WDR7: variants seen among roughly 807,000 people sequenced by gnomAD.
WDR7 encodes WD repeat domain 7.
Under a neutral mutation model 169.4 loss-of-function variants are expected in WDR7, and 46 were observed. That is an observed-to-expected ratio of 0.27 (90% CI 0.21 to 0.35). The LOEUF (loss-of-function observed/expected upper bound fraction) is 0.35, where lower values mean the gene tolerates loss of function less well. Among genes scored for constraint, WDR7 ranks in the 10% least tolerant of loss-of-function variants. The pLI is 1.00. For synonymous variants in WDR7, 612 were observed against 666.8 expected (o/e 0.92, Z 1.27); for missense variants, 1,534 against 1,859.3 (o/e 0.83, Z 3.22).
chr18:56,854,003 G>A (rs2045679554), intron 20 of WDR7, among the ~76,000 whole-genome samples: 1 of 152,144 alleles, frequency 6.6e-6, no homozygotes, highest in African/African-American at 2.4e-5. Flanking sequence ...ATGAACATCT[G>A]ATTCATGTCT....
At chr18:56,828,123 A>T (rs2045242367) in intron 20 of WDR7, among the ~76,000 whole-genome samples, 1 of 152,374 alleles carries the variant, frequency 6.6e-6, no homozygotes, top group Admixed American at 6.5e-5. Flanking sequence ...CTTTACAAGG[A>T]TATAAACTTG....
chr18:57,016,839 ATTGT>A (rs1197914712), intron 26 of WDR7, among the ~76,000 whole-genome samples: 6 of 152,246 alleles, frequency 3.9e-5, no homozygotes, highest in South Asian at 2.1e-4. Flanking sequence ...ATTTTTTTTA[ATTGT>A]TTGTAGCACT....
chr18:56,809,079 C>T (rs1383824654), intron 19 of WDR7, among the ~76,000 whole-genome samples: 2 of 152,212 alleles, frequency 1.3e-5, no homozygotes, highest in East Asian at 1.9e-4. Flanking sequence ...TCCATTCCCC[C>T]TCTGCCCCCA....
At chr18:56,929,141 C>A (rs2046846664) in intron 22 of WDR7, among the ~76,000 whole-genome samples, 1 of 151,782 alleles carries the variant, frequency 6.6e-6, no homozygotes, top group Non-Finnish European at 1.5e-5. Flanking sequence ...ATTAAAAAAA[C>A]TACAGGAGCA....
chr18:56,733,150 A>G (rs1424200618), intron 14 of WDR7, among the ~76,000 whole-genome samples: 10 of 152,198 alleles, frequency 6.6e-5, no homozygotes, highest in Non-Finnish European at 1.5e-5. Context: ...TATGTATTGT[A>G]AAATATATTG....
At chr18:56,900,070 G>A (rs978628211) in intron 21 of WDR7, among the ~76,000 whole-genome samples, 7 of 44,868 alleles carry the variant, frequency 1.6e-4, no homozygotes, top group African/African-American at 4.6e-4. Context: ...ATATATGTGT[G>A]TGTGTGTGTG....
rs558932184 is a variant in WDR7, at chr18:56,776,366, CAG to C, written c.2849-412_2849-411del. Among the ~76,000 whole-genome samples the C allele has an allele frequency of 1.5e-3, 233 of 152,140 alleles. 1 individual carries two copies. Among genetic ancestry groups the C allele is most frequent in the African/African-American group, 5.3e-3 (221 of 41,524 alleles). ...TTTAAAAATAATTTACACATAATGT[CAG>C]AGAATAAACTGTTAGGAAAATGTAA... On this transcript the variant is annotated intron_variant, in intron 16 of 27. Coordinates refer to ENST00000254442, the MANE Select transcript of WDR7 (RefSeq NM_015285.3).
At chr18:56,979,130 A>G (rs1250541689) in intron 26 of WDR7, among the ~76,000 whole-genome samples, 2 of 152,144 alleles carry the variant, frequency 1.3e-5, no homozygotes, top group African/African-American at 2.4e-5. Context: ...GCCGCAAACA[A>G]TGATTTTTGC....
At chr18:56,971,716 G>A (rs1275614357) in intron 26 of WDR7, among the ~76,000 whole-genome samples, 1 of 152,042 alleles carries the variant, frequency 6.6e-6, no homozygotes, top group Non-Finnish European at 1.5e-5. Context: ...GAAGGGCAAG[G>A]GACATTATTC....
In WDR7 at chr18:56,809,433, A is replaced by C. The variant is rs566040769; in HGVS notation, c.3191-6598A>C. Among the ~76,000 whole-genome samples the C allele has an allele frequency of 4.7e-4, 71 of 152,292 alleles. No homozygotes were observed. The Middle Eastern group carries it at 0.01, about 22-fold the overall frequency. ...ATATTTTGGAAATACTCAGAAAGTAAGTAAACCGTAGCTTGTGTGGTATAA... is the reference window on the plus strand; with the variant it reads ...ATATTTTGGAAATACTCAGAAAGTACGTAAACCGTAGCTTGTGTGGTATAA... On this transcript the variant is annotated intron_variant, in intron 19 of 27. Transcript: ENST00000254442.
chr18:57,011,551 T>C (rs534269066), intron 26 of WDR7, among the ~76,000 whole-genome samples: 89 of 152,362 alleles, frequency 5.8e-4, no homozygotes, highest in African/African-American at 2.1e-3. Flanking sequence ...AAATAATTCA[T>C]TGAATAGTTT....
intron 16 of WDR7, among the ~76,000 whole-genome samples, chr18:56,767,877 G>A (rs1223355965): frequency 6.6e-6 from 1 of 152,066 alleles, no homozygotes; most frequent in Non-Finnish European, 1.5e-5. Context: ...TTCTGCAACA[G>A]TATATGTTTT....
At chr18:56,805,923 C>T (rs911302258) in intron 19 of WDR7, among the ~76,000 whole-genome samples, 2 of 152,164 alleles carry the variant, frequency 1.3e-5, no homozygotes, top group African/African-American at 4.8e-5. Context: ...ACTGTTTATG[C>T]TCCTGCTACC....
chr18:56,936,051 G>C (rs1189656352), intron 23 of WDR7, 146 bp downstream of exon 23: 22 of 701,356 alleles, frequency 3.1e-5, no homozygotes, highest in Middle Eastern at 4.0e-4. Flanking sequence ...ATGAACACAT[G>C]TGTCTGTGTG....
chr18:56,943,180 C>T (rs2047056158), intron 25 of WDR7, among the ~76,000 whole-genome samples: 1 of 152,124 alleles, frequency 6.6e-6, no homozygotes. Flanking sequence ...GAATATCTGC[C>T]ATGTCTGTAC....
intron 20 of WDR7, among the ~76,000 whole-genome samples, chr18:56,834,790 T>C (rs763782430): frequency 2.0e-5 from 3 of 152,242 alleles, no homozygotes; most frequent in Non-Finnish European, 2.9e-5. Context: ...TATGAAGTGC[T>C]ATTAATTCAA....
At chr18:57,025,921 A>C (rs925572072) in intron 27 of WDR7, among the ~76,000 whole-genome samples, 1 of 152,232 alleles carries the variant, frequency 6.6e-6, no homozygotes, top group Non-Finnish European at 1.5e-5. Context: ...CATAATCTGC[A>C]TGCTTCATGC....
intron 12 of WDR7, among the ~76,000 whole-genome samples, chr18:56,706,599 A>G (rs897464951): frequency 6.6e-5 from 10 of 152,214 alleles, no homozygotes; most frequent in Admixed American, 6.5e-5. Flanking sequence ...AGTTATCTAC[A>G]TTGTCATTTG....
chr18:56,838,329 T>C (rs1252874818), intron 20 of WDR7, among the ~76,000 whole-genome samples: 7 of 152,244 alleles, frequency 4.6e-5, no homozygotes, highest in Admixed American at 3.3e-4. Flanking sequence ...TAGGTTTGTA[T>C]TCTTTGCTGT....
Sources: gnomAD v4.1 joint callset for allele counts (sites outside exome capture counted in the v4.1 genomes callset) on GRCh38, gnomAD v4.1.1 for gene constraint, MANE v1.5 for transcripts, NCBI Gene and HGNC (gene_info 2026-07-23, HGNC 2026-07-21) for gene names.